The following NCAPD3 variants were observed in gnomAD, a reference collection of about 807,000 sequenced individuals.
NCAPD3 encodes condensin-2 complex subunit D3.
In NCAPD3, 105 loss-of-function variants were observed where a neutral mutation model predicts 182.9. The ratio of observed to expected loss-of-function variants is 0.57; its 90% CI spans 0.49 to 0.68. NCAPD3 has a LOEUF of 0.68. Ranked by LOEUF, NCAPD3 falls within the 30% of genes least tolerant of loss-of-function variation. The pLI is 0.00. For missense variants in NCAPD3, 1,944 were observed against 1,837.0 expected (o/e 1.06, Z -1.07); for synonymous variants, 815 against 679.9 (o/e 1.20, Z -3.09).
intron 29 of NCAPD3, among the ~76,000 whole-genome samples, chr11:134,159,440 G>A (rs1943517420): frequency 6.6e-6 from 1 of 152,244 alleles, no homozygotes; most frequent in Admixed American, 6.5e-5. Flanking sequence ...GCTGCCACTT[G>A]TAGATGCTGT....
upstream of NCAPD3, chr11:134,225,152 G>T: frequency 6.2e-7 from 1 of 1,613,052 alleles, no homozygotes; most frequent in Non-Finnish European, 8.5e-7. Context: ...GGCAGAGCGT[G>T]GAGGTGGAAA....
upstream of NCAPD3, chr11:134,224,172 G>A: frequency 5.1e-6 from 3 of 592,218 alleles, no homozygotes; most frequent in East Asian, 2.8e-5. Context: ...ATTCGTTCGA[G>A]AAGGAGCCAG....
At chr11:134,167,303 A>G (rs74378229) in intron 27 of NCAPD3, among the ~76,000 whole-genome samples, 8 of 89,092 alleles carry the variant, frequency 9.0e-5, no homozygotes, top group East Asian at 3.8e-4. Context: ...TTGGGGGAGC[A>G]GCACACTCAC....
At chr11:134,176,768 G>T (rs560318887) in intron 23 of NCAPD3, among the ~76,000 whole-genome samples, 2 of 152,162 alleles carry the variant, frequency 1.3e-5, no homozygotes, top group African/African-American at 4.8e-5. Context: ...CTAACGCTCT[G>T]CAGAGCTCTA....
chr11:134,213,665 G>A (rs1340944299), intron 3 of NCAPD3, among the ~76,000 whole-genome samples: 6 of 151,078 alleles, frequency 4.0e-5, no homozygotes, highest in Non-Finnish European at 8.8e-5. Context: ...CCATGACCAC[G>A]TGACAGGCAG....
At chr11:134,155,526 T>C (rs1170640691) in intron 32 of NCAPD3, among the ~76,000 whole-genome samples, 1 of 152,114 alleles carries the variant, frequency 6.6e-6, no homozygotes, top group African/African-American at 2.4e-5. Flanking sequence ...GCGCCTGATT[T>C]CCAGCACAAA....
chr11:134,153,650 A>C, intron 32 of NCAPD3: 14 of 445,916 alleles, frequency 3.1e-5, no homozygotes, highest in East Asian at 8.3e-5. Flanking sequence ...GTCTTCCATC[A>C]TTGCCCCTGT....
intron 27 of NCAPD3, among the ~76,000 whole-genome samples, chr11:134,164,937 A>T (rs980963535): frequency 9.2e-5 from 13 of 140,852 alleles, no homozygotes; most frequent in African/African-American, 3.6e-4. Context: ...GCTTAGGGGG[A>T]GGGGCACACT....
chr11:134,185,758 T>C (rs530648170), intron 16 of NCAPD3, among the ~76,000 whole-genome samples: 1 of 152,324 alleles, frequency 6.6e-6, no homozygotes, highest in Non-Finnish European at 1.5e-5. Flanking sequence ...CATAAAATAT[T>C]CCTTAAAGTA....
intron 30 of NCAPD3, 87 bp downstream of exon 30, chr11:134,158,242 C>A (rs1943481821): frequency 1.3e-6 from 2 of 1,562,888 alleles, no homozygotes; most frequent in African/African-American, 1.4e-5. Flanking sequence ...CAATGACTTT[C>A]CTGCCCACGC....
rs1351725670 is a variant in NCAPD3, at chr11:134,153,611, CTG to C, written c.4253-250_4253-249del. The stretch of plus-strand genomic sequence containing the variant: ...GCACTCGGCTGGCCCCTGGGCCTCA[CTG>C]TTCACGCCTCTGGCTTCCCTCCCGC... On this transcript the variant is annotated intron_variant, in intron 32 of 34. Transcript: ENST00000534548. 5.5e-6 allele frequency: 3 copies of C among 550,038 alleles called. No homozygotes were observed. The Admixed American group carries it at 9.4e-5, about 17-fold the overall frequency. The allele number at this position is 550,038 out of a possible 1,614,324, so 34.1% of individuals were successfully genotyped here. A position where few individuals can be genotyped will look rare whatever the true frequency, so the allele number is the denominator to read the frequency against.
intron 27 of NCAPD3, among the ~76,000 whole-genome samples, chr11:134,163,290 T>C (rs1354323623): frequency 1.3e-5 from 2 of 152,276 alleles, no homozygotes; most frequent in East Asian, 3.9e-4. Flanking sequence ...CTATATGGAA[T>C]AACCAGCACT....
chr11:134,159,924 C>T lies in NCAPD3; in HGVS notation c.3835G>A (p.Ala1279Thr), dbSNP rs779894744. The T allele has an allele frequency of 6.2e-7, 1 of 1,613,594 alleles. No individual in the cohort carries two copies. The highest frequency in any genetic ancestry group is 2.2e-5 in the East Asian group (1 of 44,876). The stretch of plus-strand genomic sequence containing the variant: ...ACAGGTGCCACCTCAGCACCTCCAG[C>T]CGTCCCGGCCACATCTGCATGTTTT... ...LAKHADVAGT[A>T]GGAEVAPVAQ... is the part of the protein sequence containing the mutation. The change falls in exon 29 of 35, where the codon GCT becomes ACT. Residue 1279 changes from alanine to threonine, a missense_variant. Coordinates refer to ENST00000534548, the MANE Select transcript of NCAPD3 (RefSeq NM_015261.3).
In NCAPD3 at chr11:134,156,444, C is replaced by T. The variant is rs932110565; in HGVS notation, c.4252+574G>A. Among the ~76,000 whole-genome samples, 4 of 152,144 alleles carry T rather than the reference C, an allele frequency of 2.6e-5. No homozygotes were observed. The East Asian group carries it at 7.7e-4, about 29-fold the overall frequency. On this transcript the variant is annotated intron_variant, in intron 32 of 34. Coordinates refer to ENST00000534548, the MANE Select transcript of NCAPD3 (RefSeq NM_015261.3). Reference sequence around the variant, plus strand: ...ATAATGGTTTTTATGAGGTTTGACACAATATGAAGCTATCACACAAGATAA... The same window carrying T: ...ATAATGGTTTTTATGAGGTTTGACATAATATGAAGCTATCACACAAGATAA...
chr11:134,156,836 G>T (rs770169373), intron 32 of NCAPD3, 182 bp downstream of exon 32: 1 of 524,226 alleles, frequency 1.9e-6, no homozygotes, highest in Non-Finnish European at 3.4e-6. Flanking sequence ...AACATACTCG[G>T]TCAGTGCTCA....
chr11:134,186,651 T>C (rs1944412067), intron 16 of NCAPD3, among the ~76,000 whole-genome samples: 1 of 152,220 alleles, frequency 6.6e-6, no homozygotes, highest in South Asian at 2.1e-4. Context: ...TAATTTTTCT[T>C]AGACTTCTGG....
chr11:134,214,878 G>A (rs1937959912), intron 3 of NCAPD3, among the ~76,000 whole-genome samples: 1 of 151,984 alleles, frequency 6.6e-6, no homozygotes, highest in South Asian at 2.1e-4. Flanking sequence ...TATGAAAATG[G>A]TATTACCAAG....
At chr11:134,210,169 T>A in intron 4 of NCAPD3, 101 bp downstream of exon 4, 1 of 1,006,012 alleles carries the variant, frequency 9.9e-7, no homozygotes, top group Non-Finnish European at 1.5e-6. Flanking sequence ...ACCATTTGCC[T>A]ATAATCATGA....
In NCAPD3 at chr11:134,217,000, A is replaced by G. The variant is rs757708069; in HGVS notation, c.318T>C (p.Ser106=). The change falls in exon 3 of 35, where the codon AGT becomes AGC. Residue 106 remains serine (S), a synonymous_variant. Coordinates refer to ENST00000534548, the MANE Select transcript of NCAPD3 (RefSeq NM_015261.3). The part of the protein sequence containing the change: ...FVQIVHKKNV[S]VQYREYGLHA... ...GAAGGCCATATTCTCGATACTGTAC[A>G]CTGACATTCTTCTTATGAACTATTT... 54 of 1,613,952 alleles carry G rather than the reference A, an allele frequency of 3.3e-5. No individual in the cohort carries two copies. Among genetic ancestry groups the G allele is most frequent in the Non-Finnish European group, 4.2e-5 (49 of 1,180,016 alleles).
Sources: gnomAD v4.1 joint callset for allele counts (sites outside exome capture counted in the v4.1 genomes callset) on GRCh38, gnomAD v4.1.1 for gene constraint, MANE v1.5 for transcripts, NCBI Gene and HGNC (gene_info 2026-07-23, HGNC 2026-07-21) for gene names.